Variants in STRBP observed in about 807,000 individuals in gnomAD.
STRBP encodes spermatid perinuclear RNA binding protein.
Under a neutral mutation model 80.1 loss-of-function variants are expected in STRBP, and 13 were observed. The ratio of observed to expected loss-of-function variants is 0.16; its 90% CI spans 0.11 to 0.26. The LOEUF (loss-of-function observed/expected upper bound fraction) is 0.26, where lower values mean the gene tolerates loss of function less well. Ranked by LOEUF, STRBP falls within the 10% of genes least tolerant of loss-of-function variation. The pLI is 1.00. For missense variants in STRBP, 485 were observed against 815.2 expected (o/e 0.59, Z 4.93); for synonymous variants, 284 against 291.2 (o/e 0.98, Z 0.25).
intron 11 of STRBP, among the ~76,000 whole-genome samples, chr9:123,155,130 C>G (rs1301935239): frequency 6.6e-6 from 1 of 152,114 alleles, no homozygotes; most frequent in African/African-American, 2.4e-5. Context: ...AGCAAAGACA[C>G]GAGTTGATGC....
downstream of STRBP, among the ~76,000 whole-genome samples, chr9:123,118,314 A>G (rs781020880): frequency 3.9e-5 from 6 of 152,116 alleles, no homozygotes; most frequent in Non-Finnish European, 8.8e-5. Flanking sequence ...CAAATGACCT[A>G]AACTGAGGGC....
At chr9:123,219,748 A>G (rs546453039) in intron 2 of STRBP, among the ~76,000 whole-genome samples, 30 of 152,332 alleles carry the variant, frequency 2.0e-4, no homozygotes, top group Admixed American at 1.6e-3. Context: ...GGGACAAGTT[A>G]TCCAGAGTTT....
At chr9:123,241,942 T>C (rs2040703479) in intron 1 of STRBP, among the ~76,000 whole-genome samples, 1 of 152,232 alleles carries the variant, frequency 6.6e-6, no homozygotes, top group African/African-American at 2.4e-5. Flanking sequence ...ACCTCATTTG[T>C]ACTACTCTCC....
At chr9:123,188,205 T>A (rs926258223) in intron 2 of STRBP, among the ~76,000 whole-genome samples, 1 of 152,240 alleles carries the variant, frequency 6.6e-6, no homozygotes, top group East Asian at 1.9e-4. Flanking sequence ...ATAGCTCATT[T>A]CTTTTTATTG....
At chr9:123,202,396 G>A (rs1055062142) in intron 2 of STRBP, among the ~76,000 whole-genome samples, 3 of 152,116 alleles carry the variant, frequency 2.0e-5, no homozygotes, top group African/African-American at 7.2e-5. Flanking sequence ...TTCTTGTAGT[G>A]CTGGTTTGGT....
At chr9:123,251,939 C>G (rs545379431) in intron 1 of STRBP, among the ~76,000 whole-genome samples, 1 of 152,094 alleles carries the variant, frequency 6.6e-6, no homozygotes, top group Non-Finnish European at 1.5e-5. Flanking sequence ...GTGGTAAGCA[C>G]CTGTTAACAT....
chr9:123,204,982 G>A lies in STRBP; in HGVS notation c.-164-20684C>T, dbSNP rs544235745. The stretch of plus-strand genomic sequence containing the variant: ...AAAAAAAAAAAGAATTCAAATATTC[G>A]GCCAGGCACGGTAGCTCACACGCCT... On this transcript the variant is annotated intron_variant, in intron 2 of 18. Coordinates refer to ENST00000348403, the MANE Select transcript of STRBP (RefSeq NM_018387.5). Among the ~76,000 whole-genome samples, 9 of 146,870 alleles carry A rather than the reference G, an allele frequency of 6.1e-5. No homozygotes were observed. In the South Asian group the frequency reaches 1.3e-3, roughly 22 times the overall value.
rs2035543910 is a variant in STRBP, at chr9:123,110,300, T to C, written c.*85-547A>G. The C allele has an allele frequency of 6.4e-6, 1 of 155,888 alleles. No individual in the cohort carries two copies. The highest frequency in any genetic ancestry group is 1.5e-5 in the Non-Finnish European group (1 of 68,106). The allele number at this position is 155,888 out of a possible 1,614,324, so 9.7% of individuals were successfully genotyped here. A position where few individuals can be genotyped will look rare whatever the true frequency, so the allele number is the denominator to read the frequency against. On this transcript the variant is annotated intron_variant and NMD_transcript_variant, in intron 3 of 3. Transcript: ENST00000471564. This position sits in a 1 kb window ranked among gnomAD's most constrained non-coding sequence, Gnocchi z 4.1. Reference sequence around the variant, plus strand: ...GCATGGGGCTGCAGGGCTAACGGTATGATGAACCTGGCCCTAGGCCAGCCC... The same window carrying C: ...GCATGGGGCTGCAGGGCTAACGGTACGATGAACCTGGCCCTAGGCCAGCCC...
intron 13 of STRBP, among the ~76,000 whole-genome samples, chr9:123,141,166 T>A (rs2036576639): frequency 6.6e-6 from 1 of 152,226 alleles, no homozygotes; most frequent in South Asian, 2.1e-4. Context: ...CCAGCCTTTA[T>A]AAACAACTGC....
At chr9:123,111,577 T>A in intron 3 of STRBP, 1 of 479,056 alleles carries the variant, frequency 2.1e-6, no homozygotes, top group South Asian at 1.6e-5. Context: ...GGCTCTTGTC[T>A]GTAAGTAACT....
At position 123,170,058 on chromosome 9, in the gene STRBP, C is replaced by T; in HGVS notation, c.391-12G>A. 1 of 1,587,920 alleles carries T rather than the reference C, an allele frequency of 6.3e-7. No individual in the cohort carries two copies. Among genetic ancestry groups the T allele is most frequent in the Admixed American group, 1.8e-5 (1 of 56,406 alleles). On this transcript the variant is annotated splice_polypyrimidine_tract_variant and intron_variant, in intron 5 of 18. Transcript: ENST00000348403. The stretch of plus-strand genomic sequence containing the variant: ...TCTTCTGTGAGTTTCTGAAAGTCAC[C>T]AAGATTTCAAAATCACCCAGTTAAT...
intron 6 of STRBP, among the ~76,000 whole-genome samples, chr9:123,161,773 T>C (rs1340106279): frequency 6.6e-6 from 1 of 152,264 alleles, no homozygotes. Context: ...ATTATGGCTA[T>C]TCAGCTTGCC....
intron 3 of STRBP, among the ~76,000 whole-genome samples, chr9:123,183,098 T>C (rs775473500): frequency 1.3e-4 from 20 of 151,344 alleles, no homozygotes; most frequent in South Asian, 4.2e-4. Flanking sequence ...CAAATAATCA[T>C]ACTGGTGATT....
Position 123,193,042 on chromosome 9 carries a change from C to T in STRBP, c.-164-8744G>A, listed in dbSNP as rs1029128835. 7.9e-5 allele frequency among the ~76,000 whole-genome samples: 12 copies of T among 152,284 alleles called. No homozygotes were observed. In the South Asian group the frequency reaches 1.9e-3, roughly 24 times the overall value. ...TCCCTTACCTGGACTGCAGCCACTA[C>T]GCCATCATGATTTGTCATTGTTCTA... On this transcript the variant is annotated intron_variant, in intron 2 of 18. Coordinates refer to ENST00000348403, the MANE Select transcript of STRBP (RefSeq NM_018387.5).
intron 1 of STRBP, among the ~76,000 whole-genome samples, chr9:123,263,807 C>T (rs925852418): frequency 2.6e-5 from 4 of 152,206 alleles, no homozygotes; most frequent in Non-Finnish European, 5.9e-5. Context: ...CTCTATTTTT[C>T]TATTCCAGTC....
At chr9:123,235,254 A>G (rs2040521807) in intron 2 of STRBP, among the ~76,000 whole-genome samples, 1 of 151,958 alleles carries the variant, frequency 6.6e-6, no homozygotes, top group Non-Finnish European at 1.5e-5. Flanking sequence ...AGGTAACACA[A>G]AGCTACAGAA....
At chr9:123,261,384 G>A (rs992281069) in intron 1 of STRBP, among the ~76,000 whole-genome samples, 1 of 152,162 alleles carries the variant, frequency 6.6e-6, no homozygotes. Context: ...TCAGTGATCT[G>A]ACAGTCTGCC....
At chr9:123,228,246 C>G (rs532003961) in intron 2 of STRBP, among the ~76,000 whole-genome samples, 35 of 152,106 alleles carry the variant, frequency 2.3e-4, no homozygotes, top group Non-Finnish European at 4.7e-4. Flanking sequence ...TGTCTAACAT[C>G]CTGGTGGGCA....
intron 1 of STRBP, among the ~76,000 whole-genome samples, chr9:123,248,087 G>A (rs536520579): frequency 6.6e-6 from 1 of 151,928 alleles, no homozygotes; most frequent in East Asian, 1.9e-4. Flanking sequence ...TCTTTACTCT[G>A]TGTATGTATA....
Sources: gnomAD v4.1 joint callset for allele counts (sites outside exome capture counted in the v4.1 genomes callset) on GRCh38, gnomAD v4.1.1 for gene constraint, Gnocchi (gnomAD v3.1) non-coding constraint, MANE v1.5 for transcripts, NCBI Gene and HGNC (gene_info 2026-07-23, HGNC 2026-07-21) for gene names.